Variants in ZBTB7C observed in about 807,000 individuals in gnomAD.
ZBTB7C encodes zinc finger and BTB domain-containing protein 7C.
In ZBTB7C, 8 loss-of-function variants were observed where a neutral mutation model predicts 25.7. The observed-to-expected ratio is 0.31, with a 90% CI of 0.18 to 0.56. The LOEUF is 0.56. Among genes scored for constraint, ZBTB7C ranks in the 20% least tolerant of loss-of-function variants. ZBTB7C has a pLI of 0.91. For missense variants in ZBTB7C, 824 were observed against 855.2 expected (o/e 0.96, Z 0.46); for synonymous variants, 394 against 369.0 (o/e 1.07, Z -0.78).
At chr18:48,211,927 T>G (rs12326986) in intron 2 of ZBTB7C, among the ~76,000 whole-genome samples, 12,696 of 152,252 alleles carry the variant, frequency 0.083, 574 homozygotes, top group Middle Eastern at 0.16. Context: ...CATCAAAACT[T>G]GGAAGTGACC....
At chr18:48,360,226 A>G (rs1417308544) in intron 1 of ZBTB7C, among the ~76,000 whole-genome samples, 3 of 152,192 alleles carry the variant, frequency 2.0e-5, no homozygotes, top group Non-Finnish European at 2.9e-5. Context: ...AAACATTTGC[A>G]CCTCCTTGCA....
intron 3 of ZBTB7C, among the ~76,000 whole-genome samples, chr18:48,146,516 TA>T (rs1320080488): frequency 6.6e-6 from 1 of 152,124 alleles, no homozygotes; most frequent in Non-Finnish European, 1.5e-5. Context: ...CACATACCTA[TA>T]AAAAATGCAA....
chr18:48,057,228 C>A (rs1248241357), intron 3 of ZBTB7C, among the ~76,000 whole-genome samples: 1 of 152,084 alleles, frequency 6.6e-6, no homozygotes, highest in Non-Finnish European at 1.5e-5. Flanking sequence ...GATAACTCAG[C>A]AATTACCCTT....
chr18:48,133,951 C>T (rs1173706057), intron 3 of ZBTB7C, among the ~76,000 whole-genome samples: 1 of 152,146 alleles, frequency 6.6e-6, no homozygotes, highest in Non-Finnish European at 1.5e-5. Flanking sequence ...TGTGTAATTG[C>T]TGTAAACACT....
chr18:48,207,468 T>C (rs185638715), intron 2 of ZBTB7C, among the ~76,000 whole-genome samples: 2 of 152,362 alleles, frequency 1.3e-5, no homozygotes, highest in East Asian at 3.9e-4. Context: ...GCATGAATAC[T>C]ATATAGCTAC....
intron 3 of ZBTB7C, among the ~76,000 whole-genome samples, chr18:48,119,621 G>C (rs918893358): frequency 2.0e-5 from 3 of 152,150 alleles, no homozygotes; most frequent in African/African-American, 7.2e-5. Flanking sequence ...TTGAATCATA[G>C]TTCATGTGTA....
At chr18:48,397,362 A>C (rs1266703345) in intron 1 of ZBTB7C, among the ~76,000 whole-genome samples, 1 of 152,134 alleles carries the variant, frequency 6.6e-6, no homozygotes, top group Non-Finnish European at 1.5e-5. Context: ...TGGTCCCGCT[A>C]CCATTCCTTT....
intron 2 of ZBTB7C, among the ~76,000 whole-genome samples, chr18:48,186,246 G>C (rs2042051570): frequency 6.6e-6 from 1 of 152,174 alleles, no homozygotes; most frequent in African/African-American, 2.4e-5. Context: ...GCCAGTCTCA[G>C]ATTGACCACT....
intron 3 of ZBTB7C, among the ~76,000 whole-genome samples, chr18:48,115,063 C>G (rs947753346): frequency 2.0e-5 from 3 of 152,174 alleles, no homozygotes; most frequent in African/African-American, 7.2e-5. Context: ...ATTCATTAAG[C>G]AATAATTCCC....
chr18:48,099,007 C>G (rs1283960976), intron 3 of ZBTB7C, among the ~76,000 whole-genome samples: 1 of 152,252 alleles, frequency 6.6e-6, no homozygotes, highest in Non-Finnish European at 1.5e-5. Context: ...ACCCTATCCA[C>G]TGATCATTGC....
rs191945292 is a variant in ZBTB7C at position 48,028,514 on chromosome 18, G to C, written c.*746C>G. 1.3e-5 allele frequency: 2 copies of C among 152,308 alleles called. No homozygotes were observed. Among genetic ancestry groups the C allele is most frequent in the Admixed American group, 6.5e-5 (1 of 15,304 alleles). The allele number at this position is 152,308 out of a possible 1,614,324, so 9.4% of individuals were successfully genotyped here. ...ATAAACTGTTTCCCCATGGACTTGG[G>C]GAGTACAAAGCTTCTACCATCTCTG... On this transcript the variant is annotated 3_prime_UTR_variant, in exon 5 of 5. Transcript: ENST00000590800.
chr18:48,107,658 C>T (rs569880502), intron 3 of ZBTB7C, among the ~76,000 whole-genome samples: 190 of 152,204 alleles, frequency 1.2e-3, no homozygotes, highest in Admixed American at 2.9e-3. Flanking sequence ...GGGGCAGGGC[C>T]GGCCTCCTTG....
At chr18:48,120,202 A>T (rs1598914960) in intron 3 of ZBTB7C, among the ~76,000 whole-genome samples, 1 of 152,160 alleles carries the variant, frequency 6.6e-6, no homozygotes, top group African/African-American at 2.4e-5. Context: ...GACAGATCTT[A>T]CTTATGGTTT....
At chr18:48,045,045 G>A (rs959384935) in intron 3 of ZBTB7C, among the ~76,000 whole-genome samples, 2 of 152,242 alleles carry the variant, frequency 1.3e-5, no homozygotes, top group African/African-American at 2.4e-5. Flanking sequence ...AACCAAGAAA[G>A]GACAGTAGTC....
In ZBTB7C at chr18:48,281,520, G is replaced by A. The variant is rs530130916; in HGVS notation, c.-79+56654C>T. Among the ~76,000 whole-genome samples the A allele has an allele frequency of 3.8e-4, 58 of 152,232 alleles. 3 individuals carry two copies. The South Asian group carries it at 9.7e-3, about 26-fold the overall frequency. Reference sequence around the variant, plus strand: ...AAAGAAACTACTATCAGAGTGAACAGGCAACCTACAAAATGGGAGAAAATT... The same window carrying A: ...AAAGAAACTACTATCAGAGTGAACAAGCAACCTACAAAATGGGAGAAAATT... On this transcript the variant is annotated intron_variant, in intron 2 of 4. Coordinates refer to ENST00000590800, the MANE Select transcript of ZBTB7C (RefSeq NM_001318841.2).
At chr18:48,239,206 T>A (rs2043459155) in intron 2 of ZBTB7C, among the ~76,000 whole-genome samples, 1 of 152,026 alleles carries the variant, frequency 6.6e-6, no homozygotes, top group East Asian at 1.9e-4. Context: ...ACCTAATTCC[T>A]CCTCCACTTG....
intron 3 of ZBTB7C, among the ~76,000 whole-genome samples, chr18:48,146,589 G>A (rs1024257686): frequency 7.9e-5 from 12 of 152,078 alleles, no homozygotes; most frequent in African/African-American, 2.4e-4. Flanking sequence ...CAGACAATTC[G>A]CAATTGCCTA....
chr18:48,389,265 G>T (rs1403967200), intron 1 of ZBTB7C, among the ~76,000 whole-genome samples: 2 of 147,916 alleles, frequency 1.4e-5, no homozygotes, highest in Non-Finnish European at 3.0e-5. Context: ...GTGTGTGTGT[G>T]TGTGTGTGTG....
intron 1 of ZBTB7C, among the ~76,000 whole-genome samples, chr18:48,378,453 C>T (rs12103960): frequency 0.056 from 8,585 of 152,186 alleles, 416 homozygotes; most frequent in East Asian, 0.15. Flanking sequence ...TCTGAAGACC[C>T]CAACCCAGCT....
Sources: allele counts gnomAD v4.1 joint callset (sites outside exome capture counted in the v4.1 genomes callset), GRCh38; gene constraint gnomAD v4.1.1; transcripts MANE v1.5; gene names NCBI Gene and HGNC (gene_info 2026-07-23, HGNC 2026-07-21).